The following SYN3 variants were observed in gnomAD, a reference collection of about 807,000 sequenced individuals.
SYN3 encodes synapsin III, also known as synapsin-3.
A neutral mutation model predicts 65.8 loss-of-function variants in SYN3; 35 were observed. The ratio of observed to expected loss-of-function variants is 0.53; its 90% CI spans 0.41 to 0.70. The LOEUF (loss-of-function observed/expected upper bound fraction) is 0.70. Ranked by LOEUF, SYN3 falls within the 30% of genes least tolerant of loss-of-function variation. The probability of loss-of-function intolerance (pLI) is 0.00; values close to 1 mark genes in which losing one functional copy is unlikely to be tolerated. For synonymous variants in SYN3, 270 were observed against 292.9 expected, an observed-to-expected ratio of 0.92 and a Z score of 0.80; for missense variants, 680 against 749.0, an observed-to-expected ratio of 0.91 and a Z score of 1.08.
At chr22:32,908,620 G>T (rs1024914763) in intron 4 of SYN3, among the ~76,000 whole-genome samples, 1 of 152,060 alleles carries the variant, frequency 6.6e-6, no homozygotes, top group Non-Finnish European at 1.5e-5. Context: ...CTTATCACCT[G>T]TTTTTGTAAA....
chr22:33,022,962 G>T (rs1466154244), intron 1 of SYN3, among the ~76,000 whole-genome samples: 1 of 152,178 alleles, frequency 6.6e-6, no homozygotes, highest in Non-Finnish European at 1.5e-5. Context: ...CCTACAGGCA[G>T]CACTAGCCAG....
chr22:32,779,754 G>C (rs1463775369), intron 6 of SYN3, among the ~76,000 whole-genome samples: 7 of 152,064 alleles, frequency 4.6e-5, no homozygotes, highest in African/African-American at 1.7e-4. Flanking sequence ...AGGAAAAACA[G>C]GACCTTACGT....
intron 6 of SYN3, among the ~76,000 whole-genome samples, chr22:32,734,090 A>C (rs929976494): frequency 6.6e-6 from 1 of 152,188 alleles, no homozygotes; most frequent in African/African-American, 2.4e-5. Context: ...TGTATTAAGC[A>C]GCTGAGTCTG....
At chr22:32,516,863 A>T (rs1331453868) in intron 13 of SYN3, among the ~76,000 whole-genome samples, 1 of 152,190 alleles carries the variant, frequency 6.6e-6, no homozygotes. Context: ...ATTAACTCCT[A>T]AGCTTGTGAG....
chr22:32,905,500 A>G (rs1196430616), intron 4 of SYN3, among the ~76,000 whole-genome samples: 1 of 152,232 alleles, frequency 6.6e-6, no homozygotes, highest in African/African-American at 2.4e-5. Context: ...CTGACTGCAG[A>G]CACAGTTACG....
chr22:32,628,075 G>A (rs1207615535), intron 6 of SYN3, among the ~76,000 whole-genome samples: 3 of 152,158 alleles, frequency 2.0e-5, no homozygotes, highest in Admixed American at 6.5e-5. Context: ...TGATCCGCCC[G>A]CCAAATCCCA....
intron 6 of SYN3, among the ~76,000 whole-genome samples, chr22:32,727,732 C>A (rs1230720794): frequency 6.6e-6 from 1 of 152,186 alleles, no homozygotes; most frequent in African/African-American, 2.4e-5. Context: ...CTCTAATGAT[C>A]AGTGATGTTG....
intron 6 of SYN3, among the ~76,000 whole-genome samples, chr22:32,691,817 C>T (rs2060664761): frequency 6.6e-6 from 1 of 152,026 alleles, no homozygotes; most frequent in Admixed American, 6.6e-5. Flanking sequence ...CTAAGATACC[C>T]ACCAATAAGG....
intron 6 of SYN3, among the ~76,000 whole-genome samples, chr22:32,614,939 C>A (rs1258981217): frequency 2.0e-5 from 3 of 150,108 alleles, no homozygotes; most frequent in Non-Finnish European, 2.9e-5. Context: ...CTCCAAGGGA[C>A]CTTTTATTCT....
At chr22:32,847,553 A>C (rs1040605853) in intron 6 of SYN3, among the ~76,000 whole-genome samples, 5 of 152,234 alleles carry the variant, frequency 3.3e-5, no homozygotes, top group African/African-American at 1.2e-4. Context: ...TCATTTGGAA[A>C]GAAACAAGAC....
At chr22:32,669,589 G>A (rs986434697) in intron 6 of SYN3, among the ~76,000 whole-genome samples, 9 of 152,338 alleles carry the variant, frequency 5.9e-5, no homozygotes, top group Non-Finnish European at 1.2e-4. Context: ...AGAAGAGAGC[G>A]TAACAGTGAC....
At chr22:32,737,075 A>G (rs1398998090) in intron 6 of SYN3, among the ~76,000 whole-genome samples, 1 of 152,194 alleles carries the variant, frequency 6.6e-6, no homozygotes, top group Non-Finnish European at 1.5e-5. Context: ...GCTAAGTTCA[A>G]AATGTTCAGT....
intron 7 of SYN3, among the ~76,000 whole-genome samples, chr22:32,593,998 T>C (rs765386957): frequency 1.2e-4 from 18 of 151,600 alleles, no homozygotes; most frequent in Middle Eastern, 3.2e-3. Flanking sequence ...CTGTAAATGA[T>C]AGAGAGAGGT....
chr22:32,787,191 G>T (rs915309508), intron 6 of SYN3, among the ~76,000 whole-genome samples: 3 of 151,798 alleles, frequency 2.0e-5, no homozygotes, highest in African/African-American at 4.8e-5. Context: ...GAGATTACAG[G>T]TGCGTGCCAC....
At chr22:32,896,432 G>T (rs1299969265) in intron 4 of SYN3, among the ~76,000 whole-genome samples, 1 of 152,072 alleles carries the variant, frequency 6.6e-6, no homozygotes, top group Non-Finnish European at 1.5e-5. Context: ...CTCCAGCCTG[G>T]GCAACAGAGT....
chr22:32,694,484 G>T (rs2060709564), intron 6 of SYN3, among the ~76,000 whole-genome samples: 1 of 152,136 alleles, frequency 6.6e-6, no homozygotes, highest in Non-Finnish European at 1.5e-5. Flanking sequence ...TGATACAGTT[G>T]ATCCTGGAAC....
In SYN3 at chr22:32,994,380, T is replaced by C. The variant is rs146732593; in HGVS notation, c.311+11972A>G. On this transcript the variant is annotated intron_variant, in intron 2 of 13. Transcript: ENST00000358763. ...GAATGAAGTCCAGAGCCCCTCCAGG[T>C]GGTGTTGGGTGGTGTGTTTGAGTGA... Among the ~76,000 whole-genome samples, 107 of 151,692 alleles carry C rather than the reference T, an allele frequency of 7.1e-4. 1 individual carries two copies. Among genetic ancestry groups the C allele is most frequent in the East Asian group, 6.6e-3 (34 of 5,134 alleles).
intron 12 of SYN3, among the ~76,000 whole-genome samples, chr22:32,520,899 C>T (rs1221218953): frequency 6.6e-6 from 1 of 152,178 alleles, no homozygotes; most frequent in Non-Finnish European, 1.5e-5. Flanking sequence ...TCTGGGCCCT[C>T]ATTTGTAAAA....
chr22:32,807,268 A>G (rs2145961473), intron 6 of SYN3, among the ~76,000 whole-genome samples: 1 of 141,026 alleles, frequency 7.1e-6, no homozygotes, highest in African/African-American at 2.7e-5. Context: ...AAGTCCTTTT[A>G]TTACTGTGGA....
Sources: gnomAD v4.1 joint callset for allele counts (sites outside exome capture counted in the v4.1 genomes callset) on GRCh38, gnomAD v4.1.1 for gene constraint, MANE v1.5 for transcripts, NCBI Gene and HGNC (gene_info 2026-07-23, HGNC 2026-07-21) for gene names.